Variants in KIF17 observed in about 807,000 individuals in gnomAD.
KIF17 encodes the protein kinesin-like protein KIF17.
KIF17 carries 80 observed loss-of-function variants against 96.8 expected under a neutral mutation model. The ratio of observed to expected loss-of-function variants is 0.83; its 90% CI spans 0.69 to 1.00. The LOEUF is 1.00. Among genes scored for constraint, KIF17 ranks in the 50% least tolerant of loss-of-function variants. KIF17 has a pLI of 0.00. For synonymous variants in KIF17, 567 were observed against 587.5 expected (o/e 0.97, Z 0.51); for missense variants, 1,280 against 1,372.9 (o/e 0.93, Z 1.07).
intron 5 of KIF17, among the ~76,000 whole-genome samples, chr1:20,703,664 G>A (rs1178231693): frequency 6.6e-6 from 1 of 152,064 alleles, no homozygotes; most frequent in Non-Finnish European, 1.5e-5. Context: ...GGACAGATGG[G>A]TGGATGAGCG....
Position 20,715,606 on chromosome 1 carries a change from CAA to C in KIF17, c.263_264del (p.Phe88CysfsTer44), listed in dbSNP as rs762390412. ...GVTEGYNGTI[F>X]AYGQTGSGKS... ...TTCCCGCTGCCTGTCTGGCCGTAGG[CAA>C]AGATGGTGCCATTGTAGCCCTCAGT... On this transcript the variant is annotated frameshift_variant, in exon 2 of 15. Coordinates refer to ENST00000400463, the MANE Select transcript of KIF17 (RefSeq NM_001122819.3). LOFTEE classifies it high-confidence loss of function. The C allele has an allele frequency of 8.1e-6, 13 of 1,613,278 alleles. No homozygotes were observed. In the Admixed American group the frequency reaches 1.7e-4, roughly 21 times the overall value.
At chr1:20,682,397 A>T (rs1428505814) in intron 11 of KIF17, among the ~76,000 whole-genome samples, 1 of 152,204 alleles carries the variant, frequency 6.6e-6, no homozygotes, top group East Asian at 1.9e-4. Context: ...GGTGGTGCAC[A>T]TCTGTAGTCT....
At chr1:20,712,872 TTATCTATATATAATATAGATA>T (rs1418193367) in intron 3 of KIF17, among the ~76,000 whole-genome samples, 5 of 72,092 alleles carry the variant, frequency 6.9e-5, no homozygotes, top group African/African-American at 2.3e-4. Flanking sequence ...ATTATAGATA[TTATCTATATATAATATAGATA>T]ATATTATCTA....
Position 20,685,283 on chromosome 1 carries a change from GGCCATCTTAAAATAGAAACC to G in KIF17, c.2020-283_2020-264del, listed in dbSNP as rs2053917772. The G allele has an allele frequency of 1.5e-6, 1 of 661,672 alleles. No individual in the cohort carries two copies. The highest frequency in any genetic ancestry group is 1.5e-5 in the South Asian group (1 of 66,358). 41.0% of individuals were successfully genotyped at this position (661,672 alleles called of 1,614,324 possible). A position where few individuals can be genotyped will look rare whatever the true frequency, so the allele number is the denominator to read the frequency against. On this transcript the variant is annotated intron_variant, in intron 9 of 14. Coordinates refer to ENST00000400463, the MANE Select transcript of KIF17 (RefSeq NM_001122819.3). The surrounding 1 kb of genome is among the most constrained non-coding windows in gnomAD (Gnocchi z 4.1). ...CAATCCAGTCTCCACAGGCAGCCAG[GGCCATCTTAAAATAGAAACC>G]GATCACATCCCGTTCCCGATGAGCC...
At chr1:20,702,478 G>A (rs2054254768) in intron 5 of KIF17, among the ~76,000 whole-genome samples, 1 of 152,164 alleles carries the variant, frequency 6.6e-6, no homozygotes, top group African/African-American at 2.4e-5. Context: ...CAATCTTGGG[G>A]GTGAGTAGGG....
At position 20,717,862 on chromosome 1, in the gene KIF17, G is replaced by T. The variant is rs1472198713; in HGVS notation, c.-156C>A. On this transcript the variant is annotated 5_prime_UTR_variant, in exon 1 of 15. Coordinates refer to ENST00000400463, the MANE Select transcript of KIF17 (RefSeq NM_001122819.3). ...GGCGGGGGGCGGGGACCCCTCGGGG[G>T]GCGCCCCGGAGGGGAGCTGGGCGTC... 2.4e-6 allele frequency: 1 copy of T among 422,184 alleles called. No individual in the cohort carries two copies. Among genetic ancestry groups the T allele is most frequent in the Non-Finnish European group, 2.8e-6 (1 of 351,942 alleles). The allele number at this position is 422,184 out of a possible 1,614,324, so 26.2% of individuals were successfully genotyped here. A position where few individuals can be genotyped will look rare whatever the true frequency, so the allele number is the denominator to read the frequency against.
intron 3 of KIF17, 148 bp downstream of exon 3, chr1:20,713,306 T>G: frequency 1.6e-6 from 1 of 627,578 alleles, no homozygotes; most frequent in South Asian, 2.0e-5. Flanking sequence ...AAAAAAGTTT[T>G]TTTTAATTAA....
rs1053718650 is a variant in KIF17 at position 20,707,791 on chromosome 1, G to A, written c.670+1848C>T. On this transcript the variant is annotated intron_variant, in intron 4 of 14. Transcript: ENST00000400463. The stretch of plus-strand genomic sequence containing the variant: ...AAAAAAAACAAACCAATGTGTATGT[G>A]TGTGTGTGTGTGTGTGTGTGTGTGT... Among the ~76,000 whole-genome samples, 142 of 23,878 alleles carry A rather than the reference G, an allele frequency of 5.9e-3. 1 individual carries two copies. Among genetic ancestry groups the A allele is most frequent in the African/African-American group, 9.8e-3 (133 of 13,508 alleles). The allele number at this position is 23,878 out of a possible 152,430, so 15.7% of individuals were successfully genotyped here. A position where few individuals can be genotyped will look rare whatever the true frequency, so the allele number is the denominator to read the frequency against.
intron 11 of KIF17, among the ~76,000 whole-genome samples, chr1:20,675,150 C>CA (rs35262169): frequency 0.011 from 1,312 of 115,736 alleles, 19 homozygotes; most frequent in African/African-American, 0.034. Flanking sequence ...GACTCCATCT[C>CA]AAAAAAAAAA....
At chr1:20,684,245 C>G (rs528663304) in intron 10 of KIF17, among the ~76,000 whole-genome samples, 134 of 152,352 alleles carry the variant, frequency 8.8e-4, no homozygotes, top group African/African-American at 3.0e-3. Flanking sequence ...ATCCTTGTGT[C>G]CTGGGCCCAG....
chr1:20,684,821 T>C lies in KIF17; in HGVS notation c.2219A>G (p.Gln740Arg). 3 of 1,581,548 alleles carry C rather than the reference T, an allele frequency of 1.9e-6. No homozygotes were observed. The highest frequency in any genetic ancestry group is 2.6e-6 in the Non-Finnish European group (3 of 1,163,918). ...DDPLPVVDQQ[Q>R]VLARLQLLEQ... ...CTCTGCTGCTTACCGGGCCAGCACC[T>C]GCTGCTGGTCCACAACGGGCAGCGG... is the stretch of plus-strand genomic sequence containing the variant. The change falls in exon 10 of 15, where the codon CAG becomes CGG. Residue 740 changes from glutamine to arginine, a missense_variant. Transcript: ENST00000400463.
At position 20,664,446 on chromosome 1, in the gene KIF17, G is replaced by A. The variant is rs2053488274; in HGVS notation, c.*138C>T. 6.4e-7 allele frequency: 1 copy of A among 1,569,084 alleles called. No individual in the cohort carries two copies. Among genetic ancestry groups the A allele is most frequent in the African/African-American group, 1.3e-5 (1 of 74,150 alleles). On this transcript the variant is annotated 3_prime_UTR_variant, in exon 15 of 15. Coordinates refer to ENST00000400463, the MANE Select transcript of KIF17 (RefSeq NM_001122819.3). ...CTCTCTGGGGAACAGGGAAGGGAAT[G>A]TGTCTTCCCAGGGCTGAGGGAGCCC...
At chr1:20,710,600 A>G (rs1283166372) in intron 3 of KIF17, among the ~76,000 whole-genome samples, 4 of 152,172 alleles carry the variant, frequency 2.6e-5, no homozygotes, top group African/African-American at 9.7e-5. Flanking sequence ...AGAATGAATG[A>G]GGACAAAAGG....
chr1:20,710,572 C>G (rs1387813124), intron 3 of KIF17, among the ~76,000 whole-genome samples: 1 of 152,164 alleles, frequency 6.6e-6, no homozygotes, highest in East Asian at 1.9e-4. Flanking sequence ...GGAAATAAAA[C>G]CACTCTGGCA....
At chr1:20,670,875 G>A (rs190667177) in intron 12 of KIF17, among the ~76,000 whole-genome samples, 98 of 152,296 alleles carry the variant, frequency 6.4e-4, no homozygotes, top group African/African-American at 2.2e-3. Flanking sequence ...CTCCTGGGGG[G>A]CACTGCGGGC....
At chr1:20,676,832 G>C (rs1162500322) in intron 11 of KIF17, among the ~76,000 whole-genome samples, 1 of 151,828 alleles carries the variant, frequency 6.6e-6, no homozygotes, top group East Asian at 1.9e-4. Flanking sequence ...CTCCATCTCA[G>C]AAAAATAAAA....
chr1:20,688,616 C>T (rs1159061425), intron 7 of KIF17, among the ~76,000 whole-genome samples: 1 of 152,224 alleles, frequency 6.6e-6, no homozygotes, highest in African/African-American at 2.4e-5. Context: ...GGCCTTGTTG[C>T]CTTCCAAGGC....
chr1:20,666,476 C>G, intron 13 of KIF17, 145 bp from the exon 14 acceptor site: 1 of 770,196 alleles, frequency 1.3e-6, no homozygotes. Flanking sequence ...ACTGCCCACT[C>G]TGGTGTACCC....
intron 4 of KIF17, among the ~76,000 whole-genome samples, chr1:20,708,104 G>T (rs535974745): frequency 1.3e-5 from 2 of 151,778 alleles, no homozygotes; most frequent in African/African-American, 4.8e-5. Context: ...CCCTAAACCC[G>T]CTCCCTCCTC....
Sources: gnomAD v4.1 joint callset for allele counts (sites outside exome capture counted in the v4.1 genomes callset) on GRCh38, gnomAD v4.1.1 for gene constraint, Gnocchi (gnomAD v3.1) non-coding constraint, MANE v1.5 for transcripts, NCBI Gene and HGNC (gene_info 2026-07-23, HGNC 2026-07-21) for gene names.